The following WDR70 variants were observed in gnomAD, a reference collection of about 807,000 sequenced individuals.
The protein encoded by WDR70 is WD repeat domain 70.
WDR70 carries 53 observed loss-of-function variants against 88.6 expected under a neutral mutation model. That is an observed-to-expected ratio of 0.60 (90% CI 0.48 to 0.75). The LOEUF (loss-of-function observed/expected upper bound fraction) is 0.75, where lower values mean the gene tolerates loss of function less well. WDR70 is among the 30% of genes least tolerant of loss of function. The probability of loss-of-function intolerance (pLI) is 0.00; values close to 1 mark genes in which losing one functional copy is unlikely to be tolerated. For synonymous variants in WDR70, 280 were observed against 270.0 expected, an observed-to-expected ratio of 1.04 and a Z score of -0.36; for missense variants, 610 against 823.2, an observed-to-expected ratio of 0.74 and a Z score of 3.17.
intron 10 of WDR70, among the ~76,000 whole-genome samples, chr5:37,671,325 G>A (rs866452937): frequency 1.4e-4 from 21 of 152,134 alleles, no homozygotes; most frequent in South Asian, 4.1e-4. Context: ...GAAGAGGTAC[G>A]CATGATAGAC....
At chr5:37,684,276 A>T (rs969484260) in intron 10 of WDR70, among the ~76,000 whole-genome samples, 15 of 152,134 alleles carry the variant, frequency 9.9e-5, no homozygotes, top group Non-Finnish European at 1.9e-4. Context: ...TCCTATCTAT[A>T]TTCTGAATTC....
intron 10 of WDR70, among the ~76,000 whole-genome samples, chr5:37,645,334 C>T (rs537508188): frequency 1.3e-5 from 2 of 151,908 alleles, no homozygotes; most frequent in Admixed American, 1.3e-4. Context: ...AGGTTTATTC[C>T]ATTGTGGTCA....
chr5:37,622,506 T>G (rs1744536055), intron 10 of WDR70, among the ~76,000 whole-genome samples: 1 of 152,022 alleles, frequency 6.6e-6, no homozygotes, highest in South Asian at 2.1e-4. Context: ...TGTCCAACAA[T>G]GATAGACTAG....
chr5:37,438,418 ATACT>A (rs1342512917), intron 6 of WDR70, among the ~76,000 whole-genome samples: 1 of 152,110 alleles, frequency 6.6e-6, no homozygotes, highest in African/African-American at 2.4e-5. Context: ...GTATTTATTA[ATACT>A]TAGTTTACAG....
intron 9 of WDR70, among the ~76,000 whole-genome samples, chr5:37,537,227 T>G (rs987613112): frequency 6.6e-6 from 1 of 152,172 alleles, no homozygotes; most frequent in Non-Finnish European, 1.5e-5. Flanking sequence ...ACAAAAATTT[T>G]GGGAAAATAT....
At chr5:37,721,498 G>T (rs1451932400) in intron 14 of WDR70, 2 of 450,612 alleles carry the variant, frequency 4.4e-6, no homozygotes, top group East Asian at 8.0e-5. Flanking sequence ...TGCCCACTTT[G>T]CATACCACCC....
At chr5:37,658,369 A>G (rs933504700) in intron 10 of WDR70, among the ~76,000 whole-genome samples, 1 of 152,274 alleles carries the variant, frequency 6.6e-6, no homozygotes, top group Non-Finnish European at 1.5e-5. Flanking sequence ...CTCTAGTCAT[A>G]TATAATTCTG....
intron 10 of WDR70, among the ~76,000 whole-genome samples, chr5:37,641,411 CT>C (rs70978833): frequency 0.29 from 22,986 of 80,118 alleles, 2,926 homozygotes; most frequent in East Asian, 0.5. Context: ...TGTCCACATC[CT>C]TTTTTTTTTT....
intron 9 of WDR70, among the ~76,000 whole-genome samples, chr5:37,564,524 A>AGGGAGAGGGAGACGGTG (rs1173624924): frequency 2.9e-3 from 390 of 135,002 alleles, no homozygotes; most frequent in African/African-American, 9.3e-3. Flanking sequence ...GTGGAAAGAG[A>AGGGAGAGGGAGACGGTG]GGGAGAGGGA....
At chr5:37,620,722 C>A (rs925682154) in intron 10 of WDR70, among the ~76,000 whole-genome samples, 20 of 152,066 alleles carry the variant, frequency 1.3e-4, no homozygotes, top group African/African-American at 4.6e-4. Context: ...TTTGAAAAAA[C>A]ACTTCTAAAG....
intron 9 of WDR70, among the ~76,000 whole-genome samples, chr5:37,564,080 G>A (rs1305124085): frequency 2.0e-5 from 3 of 149,368 alleles, no homozygotes; most frequent in Non-Finnish European, 4.5e-5. Context: ...CATCCCAGAC[G>A]ATGGGCGGCC....
intron 9 of WDR70, among the ~76,000 whole-genome samples, chr5:37,571,685 A>G (rs1742909663): frequency 6.6e-6 from 1 of 152,186 alleles, no homozygotes; most frequent in South Asian, 2.1e-4. Context: ...ATAGACAGAT[A>G]GATGCCTTAT....
At chr5:37,407,829 C>A (rs1749400360) in intron 5 of WDR70, among the ~76,000 whole-genome samples, 1 of 151,940 alleles carries the variant, frequency 6.6e-6, no homozygotes, top group South Asian at 2.1e-4. Flanking sequence ...GGCAGGTGAG[C>A]CACTGTGCCC....
chr5:37,477,387 A>G (rs1739521354), intron 7 of WDR70, among the ~76,000 whole-genome samples: 1 of 152,100 alleles, frequency 6.6e-6, no homozygotes, highest in Non-Finnish European at 1.5e-5. Flanking sequence ...TTACCTTCCT[A>G]GCTTTATTTC....
chr5:37,401,141 G>C (rs1749177865), intron 5 of WDR70, among the ~76,000 whole-genome samples: 1 of 148,034 alleles, frequency 6.8e-6, no homozygotes, highest in African/African-American at 2.5e-5. Flanking sequence ...TGGGATTACA[G>C]GCATGTGCCT....
At chr5:37,663,453 A>C (rs1361503207) in intron 10 of WDR70, among the ~76,000 whole-genome samples, 1 of 152,122 alleles carries the variant, frequency 6.6e-6, no homozygotes, top group Non-Finnish European at 1.5e-5. Flanking sequence ...CCTGAAAAAA[A>C]GCCCACAGTT....
chr5:37,442,169 C>G (rs1183318974), intron 6 of WDR70, among the ~76,000 whole-genome samples: 2 of 150,632 alleles, frequency 1.3e-5, no homozygotes, highest in African/African-American at 2.4e-5. Flanking sequence ...TCTCAAATAG[C>G]TGGGATTACA....
intron 10 of WDR70, among the ~76,000 whole-genome samples, chr5:37,678,256 GA>G (rs1746301046): frequency 6.6e-6 from 1 of 152,064 alleles, no homozygotes; most frequent in Non-Finnish European, 1.5e-5. Context: ...TGTTATGTGT[GA>G]ATTTGATCCT....
intron 9 of WDR70, among the ~76,000 whole-genome samples, chr5:37,557,586 T>C (rs1401329683): frequency 1.3e-5 from 2 of 152,118 alleles, no homozygotes; most frequent in Non-Finnish European, 2.9e-5. Flanking sequence ...TGTGGGAATC[T>C]CAAGTAATTA....
Sources: gnomAD v4.1 joint callset for allele counts (sites outside exome capture counted in the v4.1 genomes callset) on GRCh38, gnomAD v4.1.1 for gene constraint, MANE v1.5 for transcripts, NCBI Gene and HGNC (gene_info 2026-07-23, HGNC 2026-07-21) for gene names.